The following DRC8 variants were observed in gnomAD, a reference collection of about 807,000 sequenced individuals.
DRC8 encodes the protein dynein regulatory complex protein 8.
the DRC8 span, among the ~76,000 whole-genome samples, chr1:245,088,236 T>A: frequency 6.6e-6 from 1 of 151,746 alleles, no homozygotes; most frequent in Non-Finnish European, 1.5e-5. The surrounding 1 kb of genome is among the most constrained non-coding windows in gnomAD (Gnocchi z 4.6). Flanking sequence ...GGCAACTATA[T>A]GGCAACTTAC....
At chr1:245,098,875 G>A in the DRC8 span, among the ~76,000 whole-genome samples, 21 of 152,330 alleles carry the variant, frequency 1.4e-4, no homozygotes, top group African/African-American at 2.6e-4. Flanking sequence ...CCCGTGTGGC[G>A]GCTGTCGAAA....
the DRC8 span, among the ~76,000 whole-genome samples, chr1:244,996,480 C>T: frequency 1.3e-5 from 2 of 152,182 alleles, no homozygotes; most frequent in Non-Finnish European, 2.9e-5. Context: ...GCTATCTGGA[C>T]GTTGTCTTCT....
the DRC8 span, among the ~76,000 whole-genome samples, chr1:245,031,827 G>A: frequency 6.6e-6 from 1 of 152,086 alleles, no homozygotes. Flanking sequence ...AGCGACCATC[G>A]CTTTGCTACT....
the DRC8 span, among the ~76,000 whole-genome samples, chr1:245,050,271 G>T: frequency 6.7e-6 from 1 of 150,310 alleles, no homozygotes; most frequent in Non-Finnish European, 1.5e-5. Flanking sequence ...ACGGATTTTC[G>T]CTCTTGTTAG....
the DRC8 span, among the ~76,000 whole-genome samples, chr1:245,042,693 A>C: frequency 6.6e-6 from 1 of 152,362 alleles, no homozygotes; most frequent in Non-Finnish European, 1.5e-5. Flanking sequence ...TTAGCATAAT[A>C]TTAGCTATTT....
chr1:245,053,560 G>T, the DRC8 span, among the ~76,000 whole-genome samples: 1 of 152,240 alleles, frequency 6.6e-6, no homozygotes, highest in Non-Finnish European at 1.5e-5. Context: ...TAGTGGAGCA[G>T]TTTGTAGGTG....
the DRC8 span, among the ~76,000 whole-genome samples, chr1:245,002,857 A>C: frequency 1.3e-5 from 2 of 152,000 alleles, no homozygotes; most frequent in Non-Finnish European, 1.5e-5. Context: ...CCTAAGAATT[A>C]GTATCTCAAA....
chr1:244,990,972 C>T, the DRC8 span, among the ~76,000 whole-genome samples: 1 of 152,082 alleles, frequency 6.6e-6, no homozygotes, highest in African/African-American at 2.4e-5. Context: ...CAATTTAATA[C>T]CAACTACCCA....
At chr1:245,114,135 C>G in the DRC8 span, among the ~76,000 whole-genome samples, 3 of 152,172 alleles carry the variant, frequency 2.0e-5, no homozygotes, top group African/African-American at 4.8e-5. Flanking sequence ...TTACTGGTAG[C>G]TTAGGCCTCA....
At chr1:244,993,388 T>C in the DRC8 span, among the ~76,000 whole-genome samples, 3 of 152,132 alleles carry the variant, frequency 2.0e-5, no homozygotes, top group Admixed American at 6.5e-5. Context: ...CAGCATCAGC[T>C]CAAAGTCCAG....
the DRC8 span, among the ~76,000 whole-genome samples, chr1:245,027,470 G>GA: frequency 6.6e-6 from 1 of 152,118 alleles, no homozygotes; most frequent in African/African-American, 2.4e-5. Flanking sequence ...TTAAGTTGAA[G>GA]AAATTGTGGA....
At chr1:244,971,599 A>G in the DRC8 span, among the ~76,000 whole-genome samples, 2 of 152,248 alleles carry the variant, frequency 1.3e-5, no homozygotes, top group African/African-American at 2.4e-5. Flanking sequence ...GTAGGAAGTG[A>G]AAATAATATT....
At chr1:245,111,211 C>T in the DRC8 span, among the ~76,000 whole-genome samples, 1 of 152,132 alleles carries the variant, frequency 6.6e-6, no homozygotes, top group Admixed American at 6.5e-5. Context: ...GGAGTCAGAC[C>T]TCCTCCTCCT....
At chr1:245,047,692 G>A in the DRC8 span, among the ~76,000 whole-genome samples, 1,589 of 151,220 alleles carry the variant, frequency 0.011, 80 homozygotes, top group East Asian at 0.13. Context: ...AGGGGCTGGT[G>A]CAGTGGCTCA....
the DRC8 span, among the ~76,000 whole-genome samples, chr1:245,029,084 G>A: frequency 6.6e-6 from 1 of 152,212 alleles, no homozygotes; most frequent in Non-Finnish European, 1.5e-5. Flanking sequence ...TGTATTGGAG[G>A]ACATCACAAA....
chr1:245,059,450 A>G, the DRC8 span: 3 of 1,612,666 alleles, frequency 1.9e-6, no homozygotes, highest in Non-Finnish European at 2.5e-6. Context: ...GCATGATCTG[A>G]TTGCAGAGGT....
At chr1:245,002,246 A>T in the DRC8 span, 1 of 1,585,512 alleles carries the variant, frequency 6.3e-7, no homozygotes, top group Non-Finnish European at 8.6e-7. Context: ...CAGTGCATTC[A>T]TACCTCCTCC....
At chr1:244,970,515 G>C in the DRC8 span, 23 of 1,501,372 alleles carry the variant, frequency 1.5e-5, no homozygotes, top group Admixed American at 2.1e-5. Context: ...GGGAAGCGCC[G>C]GGTGGGGTGG....
At chr1:244,992,723 G>A in the DRC8 span, among the ~76,000 whole-genome samples, 6 of 152,194 alleles carry the variant, frequency 3.9e-5, no homozygotes, top group African/African-American at 1.2e-4. Flanking sequence ...CTGGGCAACA[G>A]AGTGAGACTG....
Sources: gnomAD v4.1 joint callset for allele counts (sites outside exome capture counted in the v4.1 genomes callset) on GRCh38, gnomAD v4.1.1 for gene constraint, Gnocchi (gnomAD v3.1) non-coding constraint, MANE v1.5 for transcripts, NCBI Gene and HGNC (gene_info 2026-07-23, HGNC 2026-07-21) for gene names.